The following ROBO2 variants were observed in gnomAD, a reference collection of about 807,000 sequenced individuals.
ROBO2 encodes the protein roundabout guidance receptor 2, also known as roundabout homolog 2.
ROBO2 carries 53 observed loss-of-function variants against 160.8 expected under a neutral mutation model. That is an observed-to-expected ratio of 0.33 (90% CI 0.26 to 0.41). ROBO2 has a LOEUF of 0.41. Ranked by LOEUF, ROBO2 falls within the 10% of genes least tolerant of loss-of-function variation. ROBO2 has a pLI of 1.00. For missense variants in ROBO2, 1,577 were observed against 1,722.4 expected (o/e 0.92, Z 1.49); for synonymous variants, 664 against 611.7 (o/e 1.09, Z -1.26).
At chr3:76,791,282 A>G (rs1473641069) in intron 2 of ROBO2, among the ~76,000 whole-genome samples, 2 of 151,786 alleles carry the variant, frequency 1.3e-5, no homozygotes, top group Non-Finnish European at 2.9e-5. Flanking sequence ...TACATGTGGT[A>G]GTGAGCCTGC....
At chr3:76,480,767 T>C (rs956087581) in intron 2 of ROBO2, among the ~76,000 whole-genome samples, 3 of 152,132 alleles carry the variant, frequency 2.0e-5, no homozygotes, top group Non-Finnish European at 2.9e-5. Context: ...AATTTGGGCA[T>C]ACATATTTTG....
intron 2 of ROBO2, among the ~76,000 whole-genome samples, chr3:75,976,693 A>C (rs1483323603): frequency 6.6e-6 from 1 of 151,592 alleles, no homozygotes; most frequent in Non-Finnish European, 1.5e-5. Context: ...CATATTAAAA[A>C]CCCAAATCTA....
At chr3:76,339,994 G>A (rs35275574) in intron 2 of ROBO2, among the ~76,000 whole-genome samples, 17,557 of 150,496 alleles carry the variant, frequency 0.12, 1,153 homozygotes, top group African/African-American at 0.17. Flanking sequence ...TATAATCATC[G>A]ACTATTTAAT....
chr3:76,269,297 C>G (rs554660099), intron 2 of ROBO2, among the ~76,000 whole-genome samples: 131 of 152,116 alleles, frequency 8.6e-4, no homozygotes, highest in African/African-American at 3.0e-3. Context: ...TGTACAACTA[C>G]TAGGTACTCA....
intron 2 of ROBO2, among the ~76,000 whole-genome samples, chr3:76,459,133 G>A (rs973247129): frequency 2.0e-5 from 3 of 152,088 alleles, no homozygotes; most frequent in Non-Finnish European, 4.4e-5. Flanking sequence ...ACTCCGCTTC[G>A]TTTGTTTGTG....
chr3:75,914,227 G>A (rs186420112), intron 1 of ROBO2, among the ~76,000 whole-genome samples: 50 of 152,174 alleles, frequency 3.3e-4, no homozygotes, highest in African/African-American at 1.2e-3. Context: ...GCCATTAAGA[G>A]TAAAGTAAAT....
intron 2 of ROBO2, among the ~76,000 whole-genome samples, chr3:76,159,963 G>A (rs991904464): frequency 6.6e-6 from 1 of 152,134 alleles, no homozygotes; most frequent in African/African-American, 2.4e-5. Context: ...TTACAAAATT[G>A]CCTGTACTTG....
At chr3:77,492,023 A>G (rs1194690514) in intron 4 of ROBO2, among the ~76,000 whole-genome samples, 1 of 152,126 alleles carries the variant, frequency 6.6e-6, no homozygotes, top group East Asian at 1.9e-4. Flanking sequence ...GAAGTAATTT[A>G]TTTTCTTTGA....
At chr3:77,533,211 A>G (rs1029568568) in intron 6 of ROBO2, among the ~76,000 whole-genome samples, 2 of 152,020 alleles carry the variant, frequency 1.3e-5, no homozygotes, top group Non-Finnish European at 2.9e-5. Flanking sequence ...ATACAGAATC[A>G]CCCTTTTTAA....
intron 2 of ROBO2, among the ~76,000 whole-genome samples, chr3:76,343,612 A>G (rs1023191149): frequency 6.6e-6 from 1 of 151,864 alleles, no homozygotes; most frequent in Non-Finnish European, 1.5e-5. Flanking sequence ...CCAACCTAAT[A>G]TAAATATTGG....
At chr3:77,304,258 C>T (rs1048066270) in intron 2 of ROBO2, among the ~76,000 whole-genome samples, 1 of 152,102 alleles carries the variant, frequency 6.6e-6, no homozygotes, top group Non-Finnish European at 1.5e-5. Context: ...TTTTGTATAA[C>T]GCATGTGCAT....
intron 2 of ROBO2, among the ~76,000 whole-genome samples, chr3:76,415,762 C>G (rs940761320): frequency 6.6e-6 from 1 of 152,028 alleles, no homozygotes; most frequent in Admixed American, 6.6e-5. Flanking sequence ...ATCTTTTATG[C>G]CACTTTCATT....
intron 2 of ROBO2, among the ~76,000 whole-genome samples, chr3:76,667,573 G>GAA (rs35566100): frequency 6.6e-6 from 1 of 151,700 alleles, no homozygotes; most frequent in South Asian, 2.1e-4. Context: ...GATCAAATCA[G>GAA]AAAAAACAAC....
At chr3:76,914,721 C>G (rs1215883827) in intron 2 of ROBO2, among the ~76,000 whole-genome samples, 4 of 151,992 alleles carry the variant, frequency 2.6e-5, no homozygotes, top group Non-Finnish European at 5.9e-5. Context: ...TTTGACTACA[C>G]CAAGATGAAG....
At chr3:76,474,060 G>A (rs942068595) in intron 2 of ROBO2, among the ~76,000 whole-genome samples, 1 of 152,078 alleles carries the variant, frequency 6.6e-6, no homozygotes, top group East Asian at 1.9e-4. Flanking sequence ...AAAGGAAGAA[G>A]GTTATAGAGT....
At chr3:76,826,925 G>A (rs1267954440) in intron 2 of ROBO2, among the ~76,000 whole-genome samples, 4 of 152,164 alleles carry the variant, frequency 2.6e-5, no homozygotes, top group Non-Finnish European at 5.9e-5. Context: ...TTAAATTGCT[G>A]TAAATGGAAA....
At chr3:76,452,660 C>T (rs908860604) in intron 2 of ROBO2, among the ~76,000 whole-genome samples, 1 of 152,154 alleles carries the variant, frequency 6.6e-6, no homozygotes, top group East Asian at 1.9e-4. Context: ...TTTATAGCAG[C>T]ATGATTTATA....
intron 2 of ROBO2, among the ~76,000 whole-genome samples, chr3:77,262,588 A>C (rs2153338375): frequency 6.6e-6 from 1 of 152,246 alleles, no homozygotes; most frequent in Admixed American, 6.5e-5. Flanking sequence ...TTCAAGTTGA[A>C]CCTGAAGTAG....
intron 2 of ROBO2, among the ~76,000 whole-genome samples, chr3:77,323,202 C>A (rs1041267422): frequency 6.6e-6 from 1 of 150,644 alleles, no homozygotes; most frequent in African/African-American, 2.4e-5. Flanking sequence ...ACATATTTCC[C>A]ACACTGACTA....
Sources: allele counts gnomAD v4.1 joint callset (sites outside exome capture counted in the v4.1 genomes callset), GRCh38; gene constraint gnomAD v4.1.1; transcripts MANE v1.5; gene names NCBI Gene and HGNC (gene_info 2026-07-23, HGNC 2026-07-21).